Variants in ARHGAP29 observed in about 807,000 individuals in gnomAD.
ARHGAP29 encodes rho GTPase-activating protein 29.
Under a neutral mutation model 122.6 loss-of-function variants are expected in ARHGAP29, and 43 were observed. The ratio of observed to expected loss-of-function variants is 0.35; its 90% CI spans 0.27 to 0.45. ARHGAP29 has a LOEUF of 0.45. Ranked by LOEUF, ARHGAP29 falls within the 20% of genes least tolerant of loss-of-function variation. ARHGAP29 has a pLI of 1.00. For synonymous variants in ARHGAP29, 506 were observed against 497.1 expected (o/e 1.02, Z -0.24); for missense variants, 1,303 against 1,477.2 (o/e 0.88, Z 1.93).
intron 2 of ARHGAP29, among the ~76,000 whole-genome samples, chr1:94,225,387 A>G (rs907852137): frequency 6.6e-6 from 1 of 152,114 alleles, no homozygotes; most frequent in African/African-American, 2.4e-5. Flanking sequence ...GTTGTTGTGA[A>G]TATCAAATAA....
Position 94,179,728 on chromosome 1 carries a change from T to C in ARHGAP29, c.2477A>G (p.Lys826Arg). Residue 826 changes from lysine (K) to arginine (R), a missense_variant, in exon 20 of 23, where the codon AAG becomes AGG. Lys to Arg is a conservative substitution (Grantham distance 26). Transcript: ENST00000260526. ...TCTAGTTATATAAAATTCTTACCGC[T>C]TTAGATGTACTATAAGGAAATGAAG... Reference protein sequence around the residue: ...NSLHFLIVHLKRVVDHAEENK... With the variant: ...NSLHFLIVHLRRVVDHAEENK... 6.3e-7 allele frequency: 1 copy of C among 1,598,382 alleles called. No individual in the cohort carries two copies. The highest frequency in any genetic ancestry group is 8.6e-7 in the Non-Finnish European group (1 of 1,168,894).
At chr1:94,244,295 T>C (rs1226226757) in intron 1 of ARHGAP29, among the ~76,000 whole-genome samples, 1 of 149,074 alleles carries the variant, frequency 6.7e-6, no homozygotes, top group Non-Finnish European at 1.5e-5. Context: ...CAACAATATA[T>C]AAAAAGGATA....
the ARHGAP29 span, among the ~76,000 whole-genome samples, chr1:94,297,940 G>A: frequency 6.6e-6 from 1 of 152,124 alleles, no homozygotes; most frequent in African/African-American, 2.4e-5. Flanking sequence ...GCCAGCTGGG[G>A]CAGCACTACC....
intron 1 of ARHGAP29, among the ~76,000 whole-genome samples, chr1:94,248,733 T>C (rs1255947134): frequency 6.6e-6 from 1 of 152,246 alleles, no homozygotes; most frequent in Non-Finnish European, 1.5e-5. Flanking sequence ...AGACAGGGCC[T>C]TGCTCTGTGC....
chr1:94,202,421 T>C (rs1650903892), intron 11 of ARHGAP29, 123 bp downstream of exon 11: 1 of 1,156,204 alleles, frequency 8.6e-7, no homozygotes, highest in Non-Finnish European at 1.2e-6. Context: ...CTCTGGGGGA[T>C]GGGCTTAGCC....
At chr1:94,232,831 A>T (rs578125723) in intron 1 of ARHGAP29, among the ~76,000 whole-genome samples, 79 of 152,268 alleles carry the variant, frequency 5.2e-4, no homozygotes, top group Non-Finnish European at 9.3e-4. Context: ...ACACTTTATT[A>T]TTAACACTTT....
At chr1:94,267,190 A>T (rs549537082) in intron 1 of ARHGAP29, among the ~76,000 whole-genome samples, 6 of 152,208 alleles carry the variant, frequency 3.9e-5, no homozygotes, top group Non-Finnish European at 7.4e-5. Flanking sequence ...GGACTGTTAA[A>T]GTAGAAAACT....
At chr1:94,283,130 A>G in the ARHGAP29 span, among the ~76,000 whole-genome samples, 1,503 of 152,214 alleles carry the variant, frequency 9.9e-3, 23 homozygotes, top group African/African-American at 0.033. Flanking sequence ...GCCAACGCCA[A>G]CTCTGTAAGA....
intron 12 of ARHGAP29, chr1:94,195,797 A>G (rs1650416195): frequency 6.6e-6 from 1 of 152,132 alleles, no homozygotes; most frequent in South Asian, 2.1e-4. Flanking sequence ...TAAAATTAAA[A>G]GAATGATAAA....
rs1277963230 is a variant in ARHGAP29, at chr1:94,203,800, AT to A, written c.762+129del. On this transcript the variant is annotated intron_variant, in intron 8 of 22. Coordinates refer to ENST00000260526, the MANE Select transcript of ARHGAP29 (RefSeq NM_004815.4). The stretch of plus-strand genomic sequence containing the variant: ...TGGACATCCATCTAAACTTAAAATA[AT>A]TTTGTCAATAAAAAGATCAGCATTT... The A allele has an allele frequency of 4.1e-6, 3 of 725,492 alleles. No homozygotes were observed. In the African/African-American group the frequency reaches 5.4e-5, roughly 13 times the overall value. 44.9% of individuals were successfully genotyped at this position (725,492 alleles called of 1,614,324 possible).
chr1:94,203,649 G>A (rs1417805879), intron 8 of ARHGAP29, among the ~76,000 whole-genome samples: 11 of 152,000 alleles, frequency 7.2e-5, no homozygotes, highest in Non-Finnish European at 1.5e-4. Flanking sequence ...TGGGAGGATC[G>A]CTTGAGCCTC....
At chr1:94,212,311 A>G (rs1332734091) in intron 3 of ARHGAP29, among the ~76,000 whole-genome samples, 2 of 152,132 alleles carry the variant, frequency 1.3e-5, no homozygotes, top group South Asian at 4.1e-4. Flanking sequence ...ACAACATATC[A>G]AGATTTGTGA....
At chr1:94,297,124 G>A in the ARHGAP29 span, among the ~76,000 whole-genome samples, 1 of 152,080 alleles carries the variant, frequency 6.6e-6, no homozygotes, top group Admixed American at 6.6e-5. Context: ...TGAGTGAGAG[G>A]AAGTTTTCCC....
chr1:94,272,975 C>T (rs540366385), intron 1 of ARHGAP29, among the ~76,000 whole-genome samples: 1 of 152,222 alleles, frequency 6.6e-6, no homozygotes, highest in East Asian at 1.9e-4. Flanking sequence ...ATGTAAATGT[C>T]CCAATTATAC....
chr1:94,300,904 G>A, the ARHGAP29 span, among the ~76,000 whole-genome samples: 1 of 152,150 alleles, frequency 6.6e-6, no homozygotes, highest in Non-Finnish European at 1.5e-5. Context: ...GCAGGGTTGG[G>A]GATAAAGATC....
chr1:94,205,691 C>T lies in ARHGAP29; in HGVS notation c.511-8G>A. On this transcript the variant is annotated splice_region_variant and splice_polypyrimidine_tract_variant and intron_variant, in intron 5 of 22. Coordinates refer to ENST00000260526, the MANE Select transcript of ARHGAP29 (RefSeq NM_004815.4). Reference sequence around the variant, plus strand: ...AGAAACATTTTCAAACGACTTACAACATGGAAAAAGATAAATTTAAAATTA... The same window carrying T: ...AGAAACATTTTCAAACGACTTACAATATGGAAAAAGATAAATTTAAAATTA... 6.2e-7 allele frequency: 1 copy of T among 1,609,924 alleles called. No individual in the cohort carries two copies. Among genetic ancestry groups the T allele is most frequent in the East Asian group, 2.2e-5 (1 of 44,696 alleles).
chr1:94,286,802 A>T, the ARHGAP29 span, among the ~76,000 whole-genome samples: 1 of 152,220 alleles, frequency 6.6e-6, no homozygotes, highest in Non-Finnish European at 1.5e-5. Context: ...GTCAAAGATG[A>T]TCTCAGAAAG....
intron 1 of ARHGAP29, among the ~76,000 whole-genome samples, chr1:94,246,634 G>C (rs1183623387): frequency 6.6e-6 from 1 of 152,078 alleles, no homozygotes; most frequent in Non-Finnish European, 1.5e-5. Flanking sequence ...GTGGTGAAAA[G>C]GTGAGATAAA....
intron 1 of ARHGAP29, among the ~76,000 whole-genome samples, chr1:94,251,868 A>G (rs1252094243): frequency 6.6e-6 from 1 of 152,022 alleles, no homozygotes; most frequent in Non-Finnish European, 1.5e-5. Flanking sequence ...TTATCCCTCT[A>G]CTGACTTGAT....
Sources: gnomAD v4.1 joint callset for allele counts (sites outside exome capture counted in the v4.1 genomes callset) on GRCh38, gnomAD v4.1.1 for gene constraint, MANE v1.5 for transcripts, NCBI Gene and HGNC (gene_info 2026-07-23, HGNC 2026-07-21) for gene names.